NBAS: variants seen among roughly 807,000 people sequenced by gnomAD.
NBAS encodes NAG/BC035112 fusion.
A neutral mutation model predicts 302.5 loss-of-function variants in NBAS; 219 were observed. The ratio of observed to expected loss-of-function variants is 0.72; its 90% CI spans 0.65 to 0.81. NBAS has a LOEUF of 0.81. NBAS is among the 30% of genes least tolerant of loss of function. The pLI, the probability that NBAS is intolerant of heterozygous loss-of-function variation, is 0.00. For synonymous variants in NBAS, 1,118 were observed against 1,021.6 expected (o/e 1.09, Z -1.80); for missense variants, 2,932 against 2,841.6 (o/e 1.03, Z -0.72).
At chr2:15,268,565 A>T (rs920270747) in intron 44 of NBAS, among the ~76,000 whole-genome samples, 1 of 152,234 alleles carries the variant, frequency 6.6e-6, no homozygotes, top group Non-Finnish European at 1.5e-5. Context: ...TGTGGCACAC[A>T]TGATAGTTCT....
At chr2:15,268,991 T>C (rs1433490415) in intron 44 of NBAS, among the ~76,000 whole-genome samples, 1 of 152,096 alleles carries the variant, frequency 6.6e-6, no homozygotes, top group African/African-American at 2.4e-5. Flanking sequence ...TCTAGGTCCT[T>C]AGGGGTTTAA....
intron 30 of NBAS, among the ~76,000 whole-genome samples, chr2:15,377,532 T>C (rs3954894): frequency 0.61 from 92,405 of 152,076 alleles, 29,045 homozygotes; most frequent in Non-Finnish European, 0.68. Context: ...ATCCACATTT[T>C]ACAGGTGAAG....
chr2:15,139,797 T>C, the NBAS span, among the ~76,000 whole-genome samples: 1 of 152,176 alleles, frequency 6.6e-6, no homozygotes, highest in African/African-American at 2.4e-5. Context: ...CCAGAAAACC[T>C]TTCCTAAAGC....
chr2:14,817,332 G>T, the NBAS span, among the ~76,000 whole-genome samples: 2 of 152,180 alleles, frequency 1.3e-5, no homozygotes, highest in Non-Finnish European at 2.9e-5. Flanking sequence ...CTTCCAGGAA[G>T]GACCATTAAC....
chr2:15,262,657 C>T (rs1388951061), intron 44 of NBAS, among the ~76,000 whole-genome samples: 21 of 152,158 alleles, frequency 1.4e-4, no homozygotes, highest in Admixed American at 1.4e-3. Context: ...TTCAATTCAA[C>T]ACACTGAGAG....
chr2:15,283,803 C>T (rs959094574), intron 42 of NBAS, among the ~76,000 whole-genome samples: 1 of 152,176 alleles, frequency 6.6e-6, no homozygotes. Context: ...AAGAAACATG[C>T]TCCAGGCTAC....
chr2:14,829,613 CTG>C, the NBAS span, among the ~76,000 whole-genome samples: 2 of 152,164 alleles, frequency 1.3e-5, no homozygotes, highest in Non-Finnish European at 2.9e-5. Context: ...TCCCACCACA[CTG>C]TGCTTAAAGA....
intron 16 of NBAS, among the ~76,000 whole-genome samples, chr2:15,472,399 G>A (rs917069804): frequency 1.3e-5 from 2 of 152,162 alleles, no homozygotes; most frequent in Admixed American, 6.5e-5. Context: ...AGGCACCTGA[G>A]AGGGAAGCTT....
chr2:15,097,053 A>G, the NBAS span, among the ~76,000 whole-genome samples: 1 of 152,312 alleles, frequency 6.6e-6, no homozygotes, highest in Admixed American at 6.5e-5. Context: ...TGCCAAGCTG[A>G]GCAAAGTTGA....
At chr2:15,283,992 G>A (rs1197715156) in intron 42 of NBAS, among the ~76,000 whole-genome samples, 2 of 152,096 alleles carry the variant, frequency 1.3e-5, no homozygotes, top group African/African-American at 4.8e-5. Context: ...TGACAAATCA[G>A]CCTTGAGTCT....
the NBAS span, among the ~76,000 whole-genome samples, chr2:15,004,813 G>A: frequency 6.6e-6 from 1 of 151,772 alleles, no homozygotes; most frequent in East Asian, 1.9e-4. Context: ...CCCAGCAACA[G>A]TTAATTTTAA....
At chr2:15,543,313 A>G (rs549989944) in intron 6 of NBAS, among the ~76,000 whole-genome samples, 14 of 152,122 alleles carry the variant, frequency 9.2e-5, no homozygotes, top group African/African-American at 3.4e-4. Flanking sequence ...GCTTTTTTTC[A>G]TCTTTCAAGC....
At chr2:15,550,195 A>G (rs75269970) in intron 6 of NBAS, among the ~76,000 whole-genome samples, 1 of 152,134 alleles carries the variant, frequency 6.6e-6, no homozygotes. Flanking sequence ...CAGCATTTCC[A>G]TGAGGGAGTG....
At chr2:14,938,945 A>G in the NBAS span, among the ~76,000 whole-genome samples, 1 of 152,246 alleles carries the variant, frequency 6.6e-6, no homozygotes, top group African/African-American at 2.4e-5. Context: ...GGTCTCACAA[A>G]CCTTCTAGGT....
chr2:15,535,734 C>G (rs1441344285), intron 8 of NBAS, among the ~76,000 whole-genome samples: 3 of 152,162 alleles, frequency 2.0e-5, no homozygotes, highest in South Asian at 2.1e-4. Flanking sequence ...AAAGTCTGTA[C>G]ATGTTCAATA....
chr2:15,032,776 C>T, the NBAS span, among the ~76,000 whole-genome samples: 94 of 152,278 alleles, frequency 6.2e-4, no homozygotes, highest in African/African-American at 2.1e-3. Context: ...CCAGTTCCAA[C>T]TGAAAGGAAG....
intron 21 of NBAS, among the ~76,000 whole-genome samples, chr2:15,437,996 C>A (rs1475764235): frequency 6.6e-6 from 1 of 152,216 alleles, no homozygotes; most frequent in African/African-American, 2.4e-5. Flanking sequence ...ATAGCACCAA[C>A]TCTCCCAAAC....
the NBAS span, among the ~76,000 whole-genome samples, chr2:14,961,172 C>T: frequency 6.6e-6 from 1 of 152,152 alleles, no homozygotes; most frequent in East Asian, 1.9e-4. Flanking sequence ...AGAATAAAAA[C>T]TTGCAGCTCT....
At chr2:15,479,890 A>T (rs1680354034) in intron 12 of NBAS, among the ~76,000 whole-genome samples, 1 of 152,236 alleles carries the variant, frequency 6.6e-6, no homozygotes, top group Admixed American at 6.5e-5. Flanking sequence ...CACCTGTCAT[A>T]GCAGCTAAAT....
Sources: allele counts gnomAD v4.1 joint callset (sites outside exome capture counted in the v4.1 genomes callset), GRCh38; gene constraint gnomAD v4.1.1; transcripts MANE v1.5; gene names NCBI Gene and HGNC (gene_info 2026-07-23, HGNC 2026-07-21).